PRKAR2B: variants seen among roughly 807,000 people sequenced by gnomAD.
PRKAR2B encodes cAMP-dependent protein kinase type II-beta regulatory subunit.
A neutral mutation model predicts 49.9 loss-of-function variants in PRKAR2B; 14 were observed. The observed-to-expected ratio is 0.28, with a 90% CI of 0.19 to 0.44. The LOEUF (loss-of-function observed/expected upper bound fraction) is 0.44. PRKAR2B is among the 20% of genes least tolerant of loss of function. PRKAR2B has a pLI of 1.00. For synonymous variants in PRKAR2B, 196 were observed against 197.7 expected (o/e 0.99, Z 0.07); for missense variants, 393 against 537.9 (o/e 0.73, Z 2.67).
intron 5 of PRKAR2B, among the ~76,000 whole-genome samples, chr7:107,145,445 A>T (rs1795871886): frequency 6.6e-6 from 1 of 152,222 alleles, no homozygotes; most frequent in Non-Finnish European, 1.5e-5. Context: ...TCACAAAAGT[A>T]ATAATATGTT....
chr7:107,150,708 A>T (rs1487623554), intron 6 of PRKAR2B, among the ~76,000 whole-genome samples: 7 of 10,198 alleles, frequency 6.9e-4, no homozygotes, highest in Non-Finnish European at 6.6e-4. Context: ...TAAAAAAAAA[A>T]AAAAAAAAAA....
At chr7:107,114,286 C>T (rs80182231) in intron 2 of PRKAR2B, among the ~76,000 whole-genome samples, 17,085 of 150,892 alleles carry the variant, frequency 0.11, 1,119 homozygotes, top group Middle Eastern at 0.17. Context: ...AAAAATTACA[C>T]ATTACAAAAA....
At chr7:107,086,021 A>C (rs1393719433) in intron 2 of PRKAR2B, among the ~76,000 whole-genome samples, 1 of 152,226 alleles carries the variant, frequency 6.6e-6, no homozygotes, top group East Asian at 1.9e-4. Context: ...TCTTAGGTTC[A>C]ACACAGTGTA....
chr7:107,045,712 A>G (rs891757190), intron 1 of PRKAR2B, among the ~76,000 whole-genome samples: 1 of 152,220 alleles, frequency 6.6e-6, no homozygotes, highest in Non-Finnish European at 1.5e-5. Context: ...AAGAAGCATG[A>G]AATTGGACTC....
intron 6 of PRKAR2B, among the ~76,000 whole-genome samples, chr7:107,148,631 A>G (rs926952618): frequency 6.6e-6 from 1 of 152,212 alleles, no homozygotes; most frequent in East Asian, 1.9e-4. Context: ...TTGACTAATT[A>G]TAATAACTCC....
In PRKAR2B at chr7:107,091,759, T is replaced by TC. The variant is rs918411221; in HGVS notation, c.343+21445dup. ...CTTCTTGTAGGGCTATGTGACAGTC[T>TC]CCAGCAGTGGCTTCCTATGGGATTT... On this transcript the variant is annotated intron_variant, in intron 2 of 10. Transcript: ENST00000265717. The TC allele has an allele frequency of 5.3e-5, 8 of 152,228 alleles. 1 individual carries two copies. The highest frequency in any genetic ancestry group is 5.2e-4 in the Admixed American group (8 of 15,276). The allele number at this position is 152,228 out of a possible 1,614,324, so 9.4% of individuals were successfully genotyped here. A position where few individuals can be genotyped will look rare whatever the true frequency, so the allele number is the denominator to read the frequency against.
intron 1 of PRKAR2B, among the ~76,000 whole-genome samples, chr7:107,060,520 G>A (rs1028707286): frequency 6.6e-6 from 1 of 152,108 alleles, no homozygotes; most frequent in Non-Finnish European, 1.5e-5. Context: ...GACTGTATTT[G>A]TAGTTTATTT....
intron 2 of PRKAR2B, among the ~76,000 whole-genome samples, chr7:107,097,923 C>T (rs1470305715): frequency 4.6e-5 from 7 of 152,190 alleles, no homozygotes; most frequent in Admixed American, 4.6e-4. Context: ...CCCGACCTTT[C>T]TCTCTGGCTG....
chr7:107,093,859 G>T (rs1048901766), intron 2 of PRKAR2B, among the ~76,000 whole-genome samples: 10 of 152,122 alleles, frequency 6.6e-5, no homozygotes, highest in Non-Finnish European at 1.3e-4. Context: ...TTTTATGGCT[G>T]CATAGTATTC....
intron 2 of PRKAR2B, among the ~76,000 whole-genome samples, chr7:107,103,766 A>G (rs1389912391): frequency 6.6e-6 from 1 of 152,230 alleles, no homozygotes; most frequent in Admixed American, 6.5e-5. Flanking sequence ...CACCTGGTCT[A>G]GCTGTTTAAA....
At chr7:107,096,644 A>G (rs573460495) in intron 2 of PRKAR2B, among the ~76,000 whole-genome samples, 28 of 152,250 alleles carry the variant, frequency 1.8e-4, no homozygotes, top group Admixed American at 1.6e-3. Context: ...TCTTGTGGGC[A>G]TGTAGTGCTA....
At chr7:107,155,789 A>G (rs770180112) in intron 8 of PRKAR2B, among the ~76,000 whole-genome samples, 8 of 152,218 alleles carry the variant, frequency 5.3e-5, no homozygotes, top group Non-Finnish European at 1.0e-4. Flanking sequence ...TCATTCTGCT[A>G]TAAAGACACA....
At position 107,137,927 on chromosome 7, in the gene PRKAR2B, TTGAC is replaced by T. The variant is rs532947004; in HGVS notation, c.481-2917_481-2914del. On this transcript the variant is annotated intron_variant, in intron 4 of 10. Transcript: ENST00000265717. ...ATCCTAGTGTGGGGATTTATGGTCATTGACTGTGCTGGGCACTTGAGTGTGCCCT... is the reference window on the plus strand; with the variant it reads ...ATCCTAGTGTGGGGATTTATGGTCATTGTGCTGGGCACTTGAGTGTGCCCT... Among the ~76,000 whole-genome samples the T allele has an allele frequency of 2.5e-4, 37 of 149,954 alleles. No homozygotes were observed. In the East Asian group the frequency reaches 5.7e-3, roughly 23 times the overall value.
chr7:107,055,918 A>C (rs1246583958), intron 1 of PRKAR2B, among the ~76,000 whole-genome samples: 2 of 152,260 alleles, frequency 1.3e-5, no homozygotes, highest in African/African-American at 4.8e-5. Flanking sequence ...GGTATTGCCT[A>C]GGTTTTCTTC....
At chr7:107,152,244 G>C (rs541686404) in intron 7 of PRKAR2B, among the ~76,000 whole-genome samples, 1 of 152,264 alleles carries the variant, frequency 6.6e-6, no homozygotes, top group African/African-American at 2.4e-5. Context: ...CTAAGGCTCT[G>C]CACAGACTGT....
At chr7:107,140,656 A>G (rs1031907994) in intron 4 of PRKAR2B, among the ~76,000 whole-genome samples, 191 bp from the exon 5 acceptor site, 2 of 152,196 alleles carry the variant, frequency 1.3e-5, no homozygotes, top group East Asian at 3.8e-4. Flanking sequence ...CAAATACTGA[A>G]TGTGAGAGTA....
intron 1 of PRKAR2B, among the ~76,000 whole-genome samples, chr7:107,055,736 G>A (rs963687913): frequency 1.3e-5 from 2 of 152,150 alleles, no homozygotes; most frequent in African/African-American, 4.8e-5. Flanking sequence ...TGAGTAGATT[G>A]CAAAAATTTT....
intron 2 of PRKAR2B, among the ~76,000 whole-genome samples, chr7:107,107,289 A>G (rs1443398991): frequency 2.0e-5 from 3 of 152,056 alleles, no homozygotes; most frequent in East Asian, 1.9e-4. Flanking sequence ...GTGAGCCGAC[A>G]TGGCGCCATT....
chr7:107,133,217 G>C (rs1795632910), intron 4 of PRKAR2B, among the ~76,000 whole-genome samples: 1 of 152,162 alleles, frequency 6.6e-6, no homozygotes, highest in African/African-American at 2.4e-5. Flanking sequence ...ATTACATTTT[G>C]ATTGACTAGA....
Sources: allele counts gnomAD v4.1 joint callset (sites outside exome capture counted in the v4.1 genomes callset), GRCh38; gene constraint gnomAD v4.1.1; transcripts MANE v1.5; gene names NCBI Gene and HGNC (gene_info 2026-07-23, HGNC 2026-07-21).